PCDHA4: variants seen among roughly 807,000 people sequenced by gnomAD.
The protein encoded by PCDHA4 is protocadherin alpha-4.
PCDHA4 carries 49 observed loss-of-function variants against 61.4 expected under a neutral mutation model. That is an observed-to-expected ratio of 0.80 (90% confidence interval 0.63 to 1.01). PCDHA4 has a LOEUF of 1.01. Among genes scored for constraint, PCDHA4 ranks in the 50% least tolerant of loss-of-function variants. PCDHA4 has a pLI of 0.00. For synonymous variants in PCDHA4, 590 were observed against 550.3 expected (o/e 1.07, Z -1.01); for missense variants, 1,254 against 1,235.8 (o/e 1.01, Z -0.22).
intron 1 of PCDHA4, among the ~76,000 whole-genome samples, chr5:140,973,304 C>G (rs1252823783): frequency 6.6e-6 from 1 of 152,126 alleles, no homozygotes; most frequent in Non-Finnish European, 1.5e-5. Context: ...TCTGATGACT[C>G]TATCCTGGAA....
chr5:140,862,857 T>A (rs782223560), intron 1 of PCDHA4: 4 of 517,166 alleles, frequency 7.7e-6, no homozygotes, highest in Non-Finnish European at 1.5e-5. Flanking sequence ...TGAGCAGCAA[T>A]GTGACGCTGC....
Position 140,927,842 on chromosome 5 carries a change from T to C in PCDHA4, c.2386-51107T>C, listed in dbSNP as rs201721848. 1.9e-6 allele frequency: 3 copies of C among 1,614,140 alleles called. No individual in the cohort carries two copies. The African/African-American group carries it at 4.0e-5, about 22-fold the overall frequency. On this transcript the variant is annotated intron_variant, in intron 1 of 3. Transcript: ENST00000530339. ...TACATTGAGGCGAGGGACGAAGGTG[T>C]CTTTGGTTTAGCTAGCACCGCTAAA... is the stretch of plus-strand genomic sequence containing the variant.
At chr5:140,835,501 G>A in intron 1 of PCDHA4, 2 of 1,613,940 alleles carry the variant, frequency 1.2e-6, no homozygotes, top group Non-Finnish European at 1.7e-6. Flanking sequence ...ACATTGATTA[G>A]CGTGTTTGAC....
At chr5:140,841,171 GGTCAATGTT>G (rs1175788362) in intron 1 of PCDHA4, 24 of 993,568 alleles carry the variant, frequency 2.4e-5, no homozygotes, top group Non-Finnish European at 2.9e-5. Flanking sequence ...AGTTCTGGTT[GGTCAATGTT>G]CAAAGTCTTT....
chr5:140,955,049 G>T (rs2095130069), intron 1 of PCDHA4, among the ~76,000 whole-genome samples: 1 of 152,130 alleles, frequency 6.6e-6, no homozygotes, highest in Admixed American at 6.6e-5. Context: ...CTCATTGCTT[G>T]TTTTTGTCAG....
At chr5:140,884,498 G>C in intron 1 of PCDHA4, 5 of 1,614,076 alleles carry the variant, frequency 3.1e-6, no homozygotes, top group Non-Finnish European at 4.2e-6. Context: ...GTGCTCCAGC[G>C]CGGCAGGGAG....
intron 3 of PCDHA4, among the ~76,000 whole-genome samples, chr5:140,995,247 A>G (rs1377733694): frequency 6.6e-6 from 1 of 152,186 alleles, no homozygotes; most frequent in Non-Finnish European, 1.5e-5. Context: ...TAAGTAAAAT[A>G]AGGGTACTTG....
chr5:140,962,023 A>G (rs565113928), intron 1 of PCDHA4, among the ~76,000 whole-genome samples: 3 of 152,062 alleles, frequency 2.0e-5, no homozygotes, highest in African/African-American at 7.2e-5. Flanking sequence ...AGCTGGGACT[A>G]CAGGCACCCA....
chr5:140,932,607 T>C (rs555006363), intron 1 of PCDHA4, among the ~76,000 whole-genome samples: 8 of 152,052 alleles, frequency 5.3e-5, no homozygotes, highest in Non-Finnish European at 7.4e-5. Flanking sequence ...CTATTTTGAC[T>C]TTGAAGCTGA....
chr5:140,841,612 G>A (rs141381378), intron 1 of PCDHA4: 7 of 1,614,012 alleles, frequency 4.3e-6, no homozygotes, highest in African/African-American at 2.7e-5. Context: ...AGCTGTGCGG[G>A]CGGAGCGCGG....
rs2150261157 is a variant in PCDHA4, at chr5:140,836,447, C to T, written c.2385+26875C>T. On this transcript the variant is annotated intron_variant, in intron 1 of 3. Transcript: ENST00000530339. ...CGCGGGCATCGTTGGGCATTGCAGG[C>T]CCAGAGACCGAGCTGGTGGATGTCA... is the stretch of plus-strand genomic sequence containing the variant. 26 of 1,613,828 alleles carry T rather than the reference C, an allele frequency of 1.6e-5. No individual in the cohort carries two copies. In the African/African-American group the frequency reaches 3.1e-4, roughly 19 times the overall value.
intron 1 of PCDHA4, among the ~76,000 whole-genome samples, chr5:140,911,789 G>A (rs1399185754): frequency 6.6e-6 from 1 of 152,024 alleles, no homozygotes; most frequent in Non-Finnish European, 1.5e-5. Flanking sequence ...GCATTTTTGG[G>A]TCTAATCATA....
chr5:140,815,581 T>G (rs1274271500), intron 1 of PCDHA4: 1 of 152,156 alleles, frequency 6.6e-6, no homozygotes, highest in Admixed American at 6.5e-5. Flanking sequence ...TTAATCAGAT[T>G]TTAAAATATC....
intron 1 of PCDHA4, among the ~76,000 whole-genome samples, chr5:140,819,082 C>T (rs1766488207): frequency 6.6e-6 from 1 of 152,134 alleles, no homozygotes; most frequent in South Asian, 2.1e-4. Context: ...ACAGGCAGCG[C>T]TAAGATGTGT....
intron 1 of PCDHA4, chr5:140,816,763 G>A (rs1765984456): frequency 6.6e-6 from 1 of 151,982 alleles, no homozygotes; most frequent in Admixed American, 6.6e-5. Context: ...GGACTTGTGT[G>A]TATAATTCCT....
intron 1 of PCDHA4, among the ~76,000 whole-genome samples, chr5:140,888,214 G>T (rs2061741689): frequency 6.6e-6 from 1 of 152,130 alleles, no homozygotes; most frequent in African/African-American, 2.4e-5. Context: ...TGGATTTTGT[G>T]TGTGTGTGCA....
intron 1 of PCDHA4, chr5:140,884,652 G>A (rs2060303446): frequency 6.2e-7 from 1 of 1,603,582 alleles, no homozygotes; most frequent in Non-Finnish European, 8.5e-7. Flanking sequence ...GACTCAGAAT[G>A]CTTGAAAGAG....
chr5:140,866,372 AT>A (rs1191186521), intron 1 of PCDHA4: 2 of 152,168 alleles, frequency 1.3e-5, no homozygotes, highest in East Asian at 3.8e-4. Context: ...GCATACTTCA[AT>A]AACAATTTTA....
At chr5:140,815,220 G>A (rs1765678782) in intron 1 of PCDHA4, 1 of 151,932 alleles carries the variant, frequency 6.6e-6, no homozygotes, top group South Asian at 2.1e-4. Flanking sequence ...ACTTACTGTT[G>A]CCTCTTTGTT....
Sources: allele counts gnomAD v4.1 joint callset (sites outside exome capture counted in the v4.1 genomes callset), GRCh38; gene constraint gnomAD v4.1.1; transcripts MANE v1.5; gene names NCBI Gene and HGNC (gene_info 2026-07-23, HGNC 2026-07-21).